The following SLC38A4 variants were observed in gnomAD, a reference collection of about 807,000 sequenced individuals.
SLC38A4 encodes the protein solute carrier family 38 member 4, also known as sodium-coupled neutral amino acid transporter 4.
In SLC38A4, 20 loss-of-function variants were observed where a neutral mutation model predicts 63.1. The observed-to-expected ratio is 0.32, with a 90% confidence interval of 0.22 to 0.46. SLC38A4 has a LOEUF of 0.46. Among genes scored for constraint, SLC38A4 ranks in the 20% least tolerant of loss-of-function variants. SLC38A4 has a pLI of 1.00. For synonymous variants in SLC38A4, 230 were observed against 225.5 expected (o/e 1.02, Z -0.18); for missense variants, 526 against 663.6 (o/e 0.79, Z 2.28).
At chr12:46,791,439 C>T (rs942865779) in intron 3 of SLC38A4, among the ~76,000 whole-genome samples, 1 of 152,084 alleles carries the variant, frequency 6.6e-6, no homozygotes, top group Non-Finnish European at 1.5e-5. Context: ...CTCTCTAGTC[C>T]GACATCCCTA....
intron 1 of SLC38A4, among the ~76,000 whole-genome samples, chr12:46,814,962 A>T (rs1384980040): frequency 6.6e-6 from 1 of 151,656 alleles, no homozygotes; most frequent in East Asian, 1.9e-4. Context: ...GTCCAGTTTC[A>T]CTCATTCTTT....
intron 12 of SLC38A4, among the ~76,000 whole-genome samples, chr12:46,777,228 C>T (rs1244835123): frequency 1.3e-5 from 2 of 151,916 alleles, no homozygotes; most frequent in African/African-American, 2.4e-5. Flanking sequence ...AATCATTTCC[C>T]TAGAAGAGGA....
rs1436299050 is a variant in SLC38A4 at position 46,764,954 on chromosome 12, T to C, written c.*1747A>G. On this transcript the variant is annotated 3_prime_UTR_variant, in exon 17 of 17. Transcript: ENST00000266579. The stretch of plus-strand genomic sequence containing the variant: ...CTGCAGTATATATGAATTTTAATCC[T>C]GGTTATGAAGAAAAAAATGGTGCTT... 1 of 152,618 alleles carries C rather than the reference T, an allele frequency of 6.6e-6. No homozygotes were observed. Among genetic ancestry groups the C allele is most frequent in the African/African-American group, 2.4e-5 (1 of 41,474 alleles). The allele number at this position is 152,618 out of a possible 1,614,324, so 9.5% of individuals were successfully genotyped here. A position where few individuals can be genotyped will look rare whatever the true frequency, so the allele number is the denominator to read the frequency against.
At chr12:46,801,866 C>T (rs1475152588) in intron 2 of SLC38A4, among the ~76,000 whole-genome samples, 1 of 152,082 alleles carries the variant, frequency 6.6e-6, no homozygotes, top group Non-Finnish European at 1.5e-5. Flanking sequence ...AGTATTCAGT[C>T]TGAGGTAGCT....
chr12:46,778,246 A>C, intron 12 of SLC38A4, 43 bp downstream of exon 12: 1 of 1,585,816 alleles, frequency 6.3e-7, no homozygotes, highest in Non-Finnish European at 8.7e-7. Flanking sequence ...ATATGAGCAG[A>C]ATTTCAAAGC....
chr12:46,779,079 A>G (rs1272289681), intron 10 of SLC38A4, among the ~76,000 whole-genome samples: 1 of 151,948 alleles, frequency 6.6e-6, no homozygotes, highest in Non-Finnish European at 1.5e-5. Context: ...CTAAGGTGAC[A>G]TGGGTCTTCA....
At position 46,784,606 on chromosome 12, in the gene SLC38A4, T is replaced by C. The variant is rs1250082743; in HGVS notation, c.429A>G (p.Glu143=). Residue 143 remains glutamate (E), a synonymous_variant, in exon 7 of 17, where the codon GAA becomes GAG. Transcript: ENST00000266579. ...GGSLIYEKLG[E]KAFGWPGKIG... is the part of the protein sequence containing the mutation. The stretch of plus-strand genomic sequence containing the variant: ...TTTTTCCCGGCCATCCAAATGCCTT[T>C]TCTCCTAATTTTTCATAAATCAAAG... 1 of 1,612,834 alleles carries C rather than the reference T, an allele frequency of 6.2e-7. No individual in the cohort carries two copies. The highest frequency in any genetic ancestry group is 1.1e-5 in the South Asian group (1 of 91,008).
intron 16 of SLC38A4, among the ~76,000 whole-genome samples, chr12:46,767,256 G>A (rs899900833): frequency 1.4e-5 from 2 of 141,996 alleles, no homozygotes; most frequent in African/African-American, 5.1e-5. Context: ...GTGTGTGTGT[G>A]CATACATATA....
intron 1 of SLC38A4, among the ~76,000 whole-genome samples, chr12:46,808,327 C>T (rs1939276485): frequency 6.6e-6 from 1 of 151,936 alleles, no homozygotes; most frequent in African/African-American, 2.4e-5. Flanking sequence ...GCTGATCGCA[C>T]GCCCCTCTCT....
chr12:46,822,007 T>C (rs1227564177), intron 1 of SLC38A4, among the ~76,000 whole-genome samples: 1 of 152,182 alleles, frequency 6.6e-6, no homozygotes, highest in Non-Finnish European at 1.5e-5. Context: ...ATCTAACTGA[T>C]TTTGTATGTT....
rs1938279100 is a variant in SLC38A4, at chr12:46,765,455, T to C, written c.*1246A>G. Reference sequence around the variant, plus strand: ...CTAAATTAAAAGAACAACTTTAGTATGATAAAAATTTGCAAAAAGAAACTT... The same window carrying C: ...CTAAATTAAAAGAACAACTTTAGTACGATAAAAATTTGCAAAAAGAAACTT... On this transcript the variant is annotated 3_prime_UTR_variant, in exon 17 of 17. Transcript: ENST00000266579. 2.7e-6 allele frequency: 1 copy of C among 373,466 alleles called. No homozygotes were observed. Among genetic ancestry groups the C allele is most frequent in the Admixed American group, 4.0e-5 (1 of 25,268 alleles). 23.1% of individuals were successfully genotyped at this position (373,466 alleles called of 1,614,324 possible). A position where few individuals can be genotyped will look rare whatever the true frequency, so the allele number is the denominator to read the frequency against.
intron 14 of SLC38A4, among the ~76,000 whole-genome samples, chr12:46,769,870 G>C (rs2120738898): frequency 6.6e-6 from 1 of 152,144 alleles, no homozygotes; most frequent in Middle Eastern, 3.4e-3. Flanking sequence ...CACCAATTAG[G>C]CTGCAAGTAC....
intron 3 of SLC38A4, among the ~76,000 whole-genome samples, chr12:46,791,118 A>G (rs1165963752): frequency 1.3e-5 from 2 of 152,190 alleles, no homozygotes; most frequent in East Asian, 3.9e-4. Context: ...CAACCTCGGC[A>G]GAGCTCATAT....
intron 7 of SLC38A4, among the ~76,000 whole-genome samples, chr12:46,782,217 T>G (rs1938658472): frequency 6.6e-6 from 1 of 152,000 alleles, no homozygotes; most frequent in East Asian, 1.9e-4. Context: ...ATAACTCCAG[T>G]GAATTTATTT....
At chr12:46,831,485 T>C (rs2120947975) in intron 1 of SLC38A4, among the ~76,000 whole-genome samples, 1 of 152,368 alleles carries the variant, frequency 6.6e-6, no homozygotes, top group East Asian at 1.9e-4. Context: ...TGCACCGCCC[T>C]GCCCTTCACT....
intron 1 of SLC38A4, among the ~76,000 whole-genome samples, chr12:46,817,273 C>A (rs909220188): frequency 6.6e-6 from 1 of 151,784 alleles, no homozygotes; most frequent in Admixed American, 6.6e-5. Flanking sequence ...TGTAGATAAA[C>A]ACATACCAGA....
chr12:46,767,891 A>C (rs1938331782), intron 16 of SLC38A4, among the ~76,000 whole-genome samples: 1 of 152,094 alleles, frequency 6.6e-6, no homozygotes, highest in African/African-American at 2.4e-5. Context: ...TATGGAAGGG[A>C]AAACAAAAGC....
chr12:46,789,630 A>T (rs1321531662), intron 3 of SLC38A4, among the ~76,000 whole-genome samples: 1 of 152,188 alleles, frequency 6.6e-6, no homozygotes, highest in African/African-American at 2.4e-5. Flanking sequence ...ATACTGCAAA[A>T]TGTCACAGAC....
At position 46,766,087 on chromosome 12, in the gene SLC38A4, G is replaced by A. The variant is rs1938292897; in HGVS notation, c.*614C>T. The A allele has an allele frequency of 5.1e-6, 1 of 196,192 alleles. No homozygotes were observed. The highest frequency in any genetic ancestry group is 5.4e-5 in the Admixed American group (1 of 18,508). 12.2% of individuals were successfully genotyped at this position (196,192 alleles called of 1,614,324 possible). A position where few individuals can be genotyped will look rare whatever the true frequency, so the allele number is the denominator to read the frequency against. ...TTACAAAAATCTATTGAATATAGAA[G>A]TCACAACTCAATGTCACAAACAGGG... On this transcript the variant is annotated 3_prime_UTR_variant, in exon 17 of 17. Transcript: ENST00000266579.
Sources: allele counts gnomAD v4.1 joint callset (sites outside exome capture counted in the v4.1 genomes callset), GRCh38; gene constraint gnomAD v4.1.1; transcripts MANE v1.5; gene names NCBI Gene and HGNC (gene_info 2026-07-23, HGNC 2026-07-21).